TMPRSS15: variants seen among roughly 807,000 people sequenced by gnomAD.
TMPRSS15 encodes enteropeptidase.
TMPRSS15 carries 128 observed loss-of-function variants against 125.3 expected under a neutral mutation model. The ratio of observed to expected loss-of-function variants is 1.02; its 90% CI spans 0.89 to 1.18. TMPRSS15 has a LOEUF of 1.18. TMPRSS15 is among the 50% of genes most tolerant of loss of function. The pLI, the probability that TMPRSS15 is intolerant of heterozygous loss-of-function variation, is 0.00. For synonymous variants in TMPRSS15, 446 were observed against 423.2 expected (o/e 1.05, Z -0.66); for missense variants, 1,283 against 1,212.7 (o/e 1.06, Z -0.86).
At chr21:18,385,790 C>T (rs2123067690) in intron 3 of TMPRSS15, among the ~76,000 whole-genome samples, 1 of 152,132 alleles carries the variant, frequency 6.6e-6, no homozygotes, top group Non-Finnish European at 1.5e-5. Flanking sequence ...TGGGGCCAGG[C>T]TGGAGTGCAG....
At chr21:18,459,057 C>CT (rs375091455) in intron 1 of TMPRSS15, among the ~76,000 whole-genome samples, 4 of 152,166 alleles carry the variant, frequency 2.6e-5, no homozygotes, top group Non-Finnish European at 4.4e-5. Context: ...TTTGATTGTG[C>CT]TTTTGTATAT....
chr21:18,383,595 A>G (rs1235709948), intron 4 of TMPRSS15, 32 bp downstream of exon 4: 1 of 1,610,420 alleles, frequency 6.2e-7, no homozygotes, highest in Non-Finnish European at 8.5e-7. Flanking sequence ...TAGCTTAATG[A>G]TTCAAAGAAA....
At chr21:18,403,228 C>T (rs1332359890) in intron 1 of TMPRSS15, among the ~76,000 whole-genome samples, 3 of 152,122 alleles carry the variant, frequency 2.0e-5, no homozygotes, top group African/African-American at 7.2e-5. Flanking sequence ...CAGTCTCATG[C>T]TTAAATTCTG....
chr21:18,421,987 T>C, intron 1 of TMPRSS15, among the ~76,000 whole-genome samples: 1 of 150,618 alleles, frequency 6.6e-6, no homozygotes, highest in East Asian at 1.9e-4. Context: ...TATTACTCTT[T>C]TTTTTTTTTT....
chr21:18,303,014 T>C (rs999384864), intron 18 of TMPRSS15, among the ~76,000 whole-genome samples: 1 of 152,208 alleles, frequency 6.6e-6, no homozygotes. Context: ...TACACATGAG[T>C]GAAATTTCCT....
At chr21:18,368,475 CCTTT>C in intron 6 of TMPRSS15, among the ~76,000 whole-genome samples, 1 of 152,300 alleles carries the variant, frequency 6.6e-6, no homozygotes, top group Middle Eastern at 3.4e-3. Flanking sequence ...TAACATTCTT[CCTTT>C]GTCAGTCAGC....
chr21:18,299,283 T>A (rs560648722), intron 18 of TMPRSS15, among the ~76,000 whole-genome samples: 2 of 152,296 alleles, frequency 1.3e-5, no homozygotes, highest in South Asian at 4.1e-4. Flanking sequence ...ATGTAGAAAG[T>A]CTGGAATGCT....
intron 1 of TMPRSS15, among the ~76,000 whole-genome samples, chr21:18,444,320 C>T (rs892354902): frequency 2.0e-5 from 3 of 152,330 alleles, no homozygotes; most frequent in South Asian, 4.1e-4. Context: ...AGGATTATTT[C>T]GTGTCCTTTA....
At chr21:18,368,536 C>T (rs2075761400) in intron 6 of TMPRSS15, among the ~76,000 whole-genome samples, 1 of 152,200 alleles carries the variant, frequency 6.6e-6, no homozygotes, top group Admixed American at 6.5e-5. Context: ...GAGAGAGTGG[C>T]AAGTAAGGAG....
intron 16 of TMPRSS15, among the ~76,000 whole-genome samples, chr21:18,315,815 CA>C (rs2075159838): frequency 1.1e-5 from 1 of 94,872 alleles, no homozygotes; most frequent in South Asian, 3.5e-4. Flanking sequence ...GCACGTTGTG[CA>C]CGTGTACCCT....
intron 21 of TMPRSS15, among the ~76,000 whole-genome samples, chr21:18,291,277 A>G (rs983921193): frequency 6.6e-6 from 1 of 152,226 alleles, no homozygotes; most frequent in Non-Finnish European, 1.5e-5. Context: ...CCTTTGGTTC[A>G]AAGTCAAACT....
chr21:18,427,136 G>C (rs1371057157), intron 1 of TMPRSS15, among the ~76,000 whole-genome samples: 1 of 152,214 alleles, frequency 6.6e-6, no homozygotes, highest in African/African-American at 2.4e-5. Context: ...TATGTAAGTT[G>C]TATAAGGCAG....
intron 3 of TMPRSS15, among the ~76,000 whole-genome samples, chr21:18,395,133 G>A (rs2076023160): frequency 6.6e-6 from 1 of 152,142 alleles, no homozygotes; most frequent in African/African-American, 2.4e-5. Flanking sequence ...GTGGAAAAAG[G>A]TCTATGGCCA....
intron 1 of TMPRSS15, among the ~76,000 whole-genome samples, chr21:18,450,395 CCT>C (rs2076265475): frequency 6.6e-6 from 1 of 152,028 alleles, no homozygotes; most frequent in Non-Finnish European, 1.5e-5. Context: ...ATGGCGATTT[CCT>C]ATGAGCCCTG....
chr21:18,345,109 A>C (rs2075491175), intron 10 of TMPRSS15, among the ~76,000 whole-genome samples: 1 of 152,234 alleles, frequency 6.6e-6, no homozygotes, highest in Admixed American at 6.5e-5. Context: ...AATTATTCAG[A>C]ATAAATGAGT....
At chr21:18,424,012 G>T (rs1297750352) in intron 1 of TMPRSS15, among the ~76,000 whole-genome samples, 1 of 152,006 alleles carries the variant, frequency 6.6e-6, no homozygotes, top group African/African-American at 2.4e-5. Flanking sequence ...TTTATTTAAA[G>T]AAAGAGAAGT....
In TMPRSS15 at chr21:18,401,382, T is replaced by C. The variant is rs577163640; in HGVS notation, c.145+2096A>G. Among the ~76,000 whole-genome samples the C allele has an allele frequency of 8.5e-5, 13 of 152,222 alleles. No homozygotes were observed. The South Asian group carries it at 2.7e-3, about 32-fold the overall frequency. On this transcript the variant is annotated intron_variant, in intron 1 of 24. Coordinates refer to ENST00000284885, the MANE Select transcript of TMPRSS15 (RefSeq NM_002772.3). ...AAGAAAATGTGGTACATATGCATTG[T>C]GGAATAAGATGCAGCCATAAAAAAG...
intron 9 of TMPRSS15, among the ~76,000 whole-genome samples, 159 bp downstream of exon 9, chr21:18,353,564 T>A (rs1440447603): frequency 2.6e-5 from 4 of 151,848 alleles, no homozygotes; most frequent in Admixed American, 2.6e-4. Context: ...ATTGTCCAAT[T>A]TCTCATTTCT....
At chr21:18,352,075 T>TTG (rs386394361) in intron 10 of TMPRSS15, among the ~76,000 whole-genome samples, 1 of 13,946 alleles carries the variant, frequency 7.2e-5, no homozygotes, top group Non-Finnish European at 1.7e-4. Flanking sequence ...CTTTTCACTG[T>TTG]TTTTTTGTAA....
Sources: allele counts gnomAD v4.1 joint callset (sites outside exome capture counted in the v4.1 genomes callset), GRCh38; gene constraint gnomAD v4.1.1; transcripts MANE v1.5; gene names NCBI Gene and HGNC (gene_info 2026-07-23, HGNC 2026-07-21).